The following ST8SIA6 variants were observed in gnomAD, a reference collection of about 807,000 sequenced individuals.
The protein encoded by ST8SIA6 is alpha-2,8-sialyltransferase 8F.
A neutral mutation model predicts 33.6 loss-of-function variants in ST8SIA6; 39 were observed. That is an observed-to-expected ratio of 1.16 (90% CI 0.90 to 1.52). The LOEUF is 1.52. Ranked by LOEUF, ST8SIA6 falls within the 40% of genes most tolerant of loss-of-function variation. The pLI is 0.00. For synonymous variants in ST8SIA6, 172 were observed against 167.2 expected (o/e 1.03, Z -0.22); for missense variants, 441 against 443.8 (o/e 0.99, Z 0.06).
intron 2 of ST8SIA6, among the ~76,000 whole-genome samples, chr10:17,420,329 G>A (rs557409698): frequency 5.9e-5 from 9 of 152,240 alleles, no homozygotes; most frequent in Admixed American, 2.6e-4. Context: ...GGAGAATGGC[G>A]TGAACCCGAG....
intron 3 of ST8SIA6, among the ~76,000 whole-genome samples, chr10:17,368,407 C>CAAAAAAAAATAAAAAAAA (rs1849627938): frequency 1.4e-5 from 1 of 72,198 alleles, no homozygotes; most frequent in Non-Finnish European, 2.9e-5. Flanking sequence ...AGCTCTGTCT[C>CAAAAAAAAATAAAAAAAA]AAAAAAAAAA....
intron 2 of ST8SIA6, among the ~76,000 whole-genome samples, chr10:17,421,228 G>A (rs767531276): frequency 6.6e-6 from 1 of 152,152 alleles, no homozygotes. Flanking sequence ...CCAGCCTCAA[G>A]CCCCCTGTGG....
intron 3 of ST8SIA6, among the ~76,000 whole-genome samples, chr10:17,375,908 A>G (rs1298582989): frequency 1.3e-5 from 2 of 152,234 alleles, no homozygotes; most frequent in Non-Finnish European, 2.9e-5. Context: ...CTAGAGGCCT[A>G]TAATCAATAG....
intron 4 of ST8SIA6, among the ~76,000 whole-genome samples, chr10:17,341,581 G>A (rs563131500): frequency 2.0e-5 from 3 of 152,036 alleles, no homozygotes; most frequent in Non-Finnish European, 4.4e-5. Flanking sequence ...TCATGAAGGT[G>A]GAGCTCTGAT....
At chr10:17,384,433 C>T (rs1356428851) in intron 3 of ST8SIA6, among the ~76,000 whole-genome samples, 1 of 152,066 alleles carries the variant, frequency 6.6e-6, no homozygotes, top group Non-Finnish European at 1.5e-5. Context: ...AATAATTAGG[C>T]CAAGTATAAT....
At chr10:17,444,616 T>C (rs1334205653) in intron 2 of ST8SIA6, among the ~76,000 whole-genome samples, 2 of 152,154 alleles carry the variant, frequency 1.3e-5, no homozygotes, top group African/African-American at 4.8e-5. Context: ...CTGCAGCCCA[T>C]ACTCTGTAGC....
intron 2 of ST8SIA6, among the ~76,000 whole-genome samples, chr10:17,450,552 C>G (rs915184589): frequency 1.3e-5 from 2 of 152,110 alleles, no homozygotes; most frequent in African/African-American, 4.8e-5. Flanking sequence ...GCGATTCTCA[C>G]CTCTCAGCCT....
chr10:17,389,703 A>T (rs189747066), intron 3 of ST8SIA6, among the ~76,000 whole-genome samples: 1 of 152,164 alleles, frequency 6.6e-6, no homozygotes, highest in African/African-American at 2.4e-5. Flanking sequence ...TGAAATTGTA[A>T]GCACAATTTT....
At chr10:17,402,922 T>C (rs1224738892) in intron 2 of ST8SIA6, among the ~76,000 whole-genome samples, 4 of 152,154 alleles carry the variant, frequency 2.6e-5, no homozygotes, top group East Asian at 3.9e-4. Context: ...CTTAAAAGTA[T>C]AATAATAAAA....
intron 4 of ST8SIA6, among the ~76,000 whole-genome samples, chr10:17,348,944 G>A (rs11254541): frequency 0.22 from 33,859 of 151,926 alleles, 4,036 homozygotes; most frequent in African/African-American, 0.31. Context: ...GGCTCTGCCT[G>A]TACTCGAGCT....
At chr10:17,427,103 G>GGA (rs549378918) in intron 2 of ST8SIA6, among the ~76,000 whole-genome samples, 3 of 133,606 alleles carry the variant, frequency 2.2e-5, no homozygotes, top group South Asian at 2.4e-4. Flanking sequence ...GACTGTGTCT[G>GGA]AAAAAAAAAA....
At chr10:17,453,981 G>T (rs1005103702) in intron 1 of ST8SIA6, among the ~76,000 whole-genome samples, 174 bp downstream of exon 1, 23 of 152,108 alleles carry the variant, frequency 1.5e-4, no homozygotes, top group Non-Finnish European at 2.2e-4. Flanking sequence ...TCGGAGGGTC[G>T]CCTCCCTGCG....
At chr10:17,376,702 A>G (rs7071964) in intron 3 of ST8SIA6, among the ~76,000 whole-genome samples, 27,424 of 152,064 alleles carry the variant, frequency 0.18, 2,587 homozygotes, top group South Asian at 0.22. Context: ...TTGTCATACT[A>G]AAAAATGAGC....
chr10:17,366,679 C>T (rs923052528), intron 3 of ST8SIA6, among the ~76,000 whole-genome samples: 12 of 152,106 alleles, frequency 7.9e-5, no homozygotes, highest in Admixed American at 2.0e-4. Context: ...GCTGTTACCA[C>T]CCCCAAATCT....
intron 6 of ST8SIA6, 40 bp from the exon 7 acceptor site, chr10:17,323,197 G>A (rs1848013183): frequency 1.3e-6 from 2 of 1,538,154 alleles, no homozygotes; most frequent in Non-Finnish European, 1.8e-6. Flanking sequence ...AATAGAACTT[G>A]TAGAAAAAAG....
At chr10:17,425,430 A>G (rs1473619120) in intron 2 of ST8SIA6, among the ~76,000 whole-genome samples, 2 of 152,048 alleles carry the variant, frequency 1.3e-5, no homozygotes, top group East Asian at 3.9e-4. Context: ...TTAGCTAGGC[A>G]TGGTGGTGCG....
At chr10:17,372,336 T>G (rs1375362529) in intron 3 of ST8SIA6, among the ~76,000 whole-genome samples, 1 of 152,232 alleles carries the variant, frequency 6.6e-6, no homozygotes, top group East Asian at 1.9e-4. Flanking sequence ...TAGCTTCACA[T>G]TATAAAATCA....
chr10:17,347,880 C>T (rs374599234), intron 4 of ST8SIA6, among the ~76,000 whole-genome samples: 70 of 141,706 alleles, frequency 4.9e-4, no homozygotes, highest in Middle Eastern at 4.0e-3. Context: ...CGCTTGAACC[C>T]GGGAGATGGG....
At chr10:17,374,404 T>C (rs1849830903) in intron 3 of ST8SIA6, among the ~76,000 whole-genome samples, 1 of 152,016 alleles carries the variant, frequency 6.6e-6, no homozygotes, top group Non-Finnish European at 1.5e-5. Flanking sequence ...TTCAGAGGCT[T>C]CTATCATACT....
Sources: gnomAD v4.1 joint callset for allele counts (sites outside exome capture counted in the v4.1 genomes callset) on GRCh38, gnomAD v4.1.1 for gene constraint, MANE v1.5 for transcripts, NCBI Gene and HGNC (gene_info 2026-07-23, HGNC 2026-07-21) for gene names.